The following SLC11A2 variants were observed in gnomAD, a reference collection of about 807,000 sequenced individuals.
SLC11A2 encodes the protein natural resistance-associated macrophage protein 2.
SLC11A2 carries 38 observed loss-of-function variants against 68.0 expected under a neutral mutation model. The observed-to-expected ratio is 0.56, with a 90% CI of 0.43 to 0.73. The LOEUF is 0.73. Among genes scored for constraint, SLC11A2 ranks in the 30% least tolerant of loss-of-function variants. The pLI is 0.00. For synonymous variants in SLC11A2, 242 were observed against 250.6 expected (o/e 0.97, Z 0.32); for missense variants, 517 against 690.5 (o/e 0.75, Z 2.82).
intron 1 of SLC11A2, among the ~76,000 whole-genome samples, chr12:51,011,552 GT>G (rs772957287): frequency 8.0e-6 from 1 of 125,242 alleles, no homozygotes; most frequent in Non-Finnish European, 1.6e-5. Flanking sequence ...TTTATGAGTT[GT>G]TTTTTTTTGT....
At chr12:50,995,535 T>C in intron 10 of SLC11A2, 94 bp downstream of exon 10, 1 of 1,249,676 alleles carries the variant, frequency 8.0e-7, no homozygotes. Flanking sequence ...CTCCTGAACA[T>C]TAACACTAGG....
At chr12:50,974,229 C>A in the SLC11A2 span, among the ~76,000 whole-genome samples, 2 of 152,162 alleles carry the variant, frequency 1.3e-5, no homozygotes, top group African/African-American at 4.8e-5. Context: ...ATGTTAAGGG[C>A]AGCCAGAGAG....
chr12:50,992,073 A>G, intron 13 of SLC11A2, 117 bp downstream of exon 13: 1 of 1,031,726 alleles, frequency 9.7e-7, no homozygotes. Flanking sequence ...GCAGACCACA[A>G]CCATGCCTCT....
intron 6 of SLC11A2, among the ~76,000 whole-genome samples, chr12:51,000,026 A>C (rs1417784329): frequency 6.6e-6 from 1 of 152,104 alleles, no homozygotes; most frequent in African/African-American, 2.4e-5. Context: ...AAATAAATAA[A>C]ATAAAATAAA....
chr12:51,017,570 G>T (rs407135), intron 1 of SLC11A2, among the ~76,000 whole-genome samples: 112,854 of 152,078 alleles, frequency 0.74, 42,212 homozygotes, highest in East Asian at 0.87. Flanking sequence ...TATACCTTTT[G>T]CACATAAAAA....
At chr12:50,991,394 C>A (rs1292241997) in intron 14 of SLC11A2, 6 of 598,682 alleles carry the variant, frequency 1.0e-5, no homozygotes, top group Non-Finnish European at 1.8e-5. Context: ...GCTGAACTTT[C>A]TCTCCCCTTC....
intron 8 of SLC11A2, among the ~76,000 whole-genome samples, chr12:50,997,878 C>T (rs924327413): frequency 2.0e-5 from 3 of 150,222 alleles, no homozygotes; most frequent in African/African-American, 4.9e-5. Context: ...ATCCCAGCTA[C>T]GTGGGAGGCT....
chr12:50,980,233 A>G, downstream of SLC11A2: 1 of 229,636 alleles, frequency 4.4e-6, no homozygotes, highest in East Asian at 1.1e-4. Flanking sequence ...CTTAACAACA[A>G]AAAACGCTGG....
intron 15 of SLC11A2, 36 bp from the exon 16 acceptor site, chr12:50,988,471 C>G: frequency 6.2e-7 from 1 of 1,613,182 alleles, no homozygotes; most frequent in Non-Finnish European, 8.5e-7. Context: ...TCACCAGGCT[C>G]TTTGAAGAGC....
At chr12:51,003,633 GAA>G (rs1438939025) in intron 5 of SLC11A2, among the ~76,000 whole-genome samples, 1 of 149,910 alleles carries the variant, frequency 6.7e-6, no homozygotes, top group Non-Finnish European at 1.5e-5. Context: ...CGTGTATGAA[GAA>G]AGAGAAGCTA....
At chr12:51,014,836 G>A (rs1943504839) in intron 1 of SLC11A2, among the ~76,000 whole-genome samples, 1 of 151,996 alleles carries the variant, frequency 6.6e-6, no homozygotes, top group Non-Finnish European at 1.5e-5. Flanking sequence ...CTGGGCGACA[G>A]AGTAAAACTC....
chr12:51,023,173 G>A (rs564594148), intron 1 of SLC11A2, among the ~76,000 whole-genome samples: 60 of 152,336 alleles, frequency 3.9e-4, no homozygotes, highest in Admixed American at 5.9e-4. Context: ...AAGGCTGGGC[G>A]CAGTGGCTCA....
At chr12:50,955,713 C>T in the SLC11A2 span, among the ~76,000 whole-genome samples, 11 of 152,040 alleles carry the variant, frequency 7.2e-5, no homozygotes, top group African/African-American at 2.2e-4. Context: ...TATAATAGCA[C>T]CCATAAGAAA....
chr12:51,005,810 G>C, intron 3 of SLC11A2: 1 of 589,930 alleles, frequency 1.7e-6, no homozygotes, highest in Non-Finnish European at 2.7e-6. Context: ...AACTACTTGG[G>C]ACACTGAGGA....
At chr12:50,997,476 C>A (rs1330288121) in intron 8 of SLC11A2, among the ~76,000 whole-genome samples, 10 of 151,758 alleles carry the variant, frequency 6.6e-5, no homozygotes, top group Non-Finnish European at 1.5e-4. Flanking sequence ...CCAAGGCAGG[C>A]GCATTGCTTG....
At chr12:50,968,792 T>C in the SLC11A2 span, among the ~76,000 whole-genome samples, 1 of 151,866 alleles carries the variant, frequency 6.6e-6, no homozygotes, top group African/African-American at 2.4e-5. Context: ...TCCACCCGCC[T>C]TGGCCTCCCA....
upstream of SLC11A2, among the ~76,000 whole-genome samples, chr12:51,027,299 AC>A (rs1015284527): frequency 1.3e-5 from 2 of 151,954 alleles, no homozygotes; most frequent in African/African-American, 4.8e-5. Context: ...AGATCGTGCC[AC>A]TGCACTCCAG....
upstream of SLC11A2, among the ~76,000 whole-genome samples, chr12:51,027,922 G>C (rs200153132): frequency 0.15 from 22,210 of 150,860 alleles, 1,995 homozygotes; most frequent in South Asian, 0.26. Flanking sequence ...AAAAGTGGGG[G>C]GGGGGGGCTT....
intron 1 of SLC11A2, among the ~76,000 whole-genome samples, chr12:51,011,249 CT>C (rs2136325239): frequency 6.6e-6 from 1 of 152,010 alleles, no homozygotes; most frequent in African/African-American, 2.4e-5. Flanking sequence ...CTGCCTCAGC[CT>C]CCCGAGTAGC....
Sources: allele counts gnomAD v4.1 joint callset (sites outside exome capture counted in the v4.1 genomes callset), GRCh38; gene constraint gnomAD v4.1.1; transcripts MANE v1.5; gene names NCBI Gene and HGNC (gene_info 2026-07-23, HGNC 2026-07-21).